The following HS3ST2 variants were observed in gnomAD, a reference collection of about 807,000 sequenced individuals.
HS3ST2 encodes heparan sulfate glucosamine 3-O-sulfotransferase 2.
HS3ST2 carries 17 observed loss-of-function variants against 26.3 expected under a neutral mutation model. That is an observed-to-expected ratio of 0.65 (90% CI 0.44 to 0.97). The LOEUF is 0.97. HS3ST2 is among the 50% of genes least tolerant of loss of function. The pLI is 0.00. For missense variants in HS3ST2, 402 were observed against 501.2 expected (o/e 0.80, Z 1.89); for synonymous variants, 237 against 219.2 (o/e 1.08, Z -0.72).
At chr16:22,874,761 G>T (rs1454747174) in intron 1 of HS3ST2, among the ~76,000 whole-genome samples, 1 of 152,146 alleles carries the variant, frequency 6.6e-6, no homozygotes, top group African/African-American at 2.4e-5. Flanking sequence ...CAAATCTCCT[G>T]GTTCTCCTCA....
intron 1 of HS3ST2, among the ~76,000 whole-genome samples, chr16:22,869,137 G>A (rs778875121): frequency 1.3e-5 from 2 of 151,902 alleles, no homozygotes; most frequent in Non-Finnish European, 2.9e-5. Context: ...AGTGAAAAGG[G>A]GCGCTCTGTA....
At chr16:22,834,056 A>G (rs1442023959) in intron 1 of HS3ST2, among the ~76,000 whole-genome samples, 1 of 152,206 alleles carries the variant, frequency 6.6e-6, no homozygotes, top group Non-Finnish European at 1.5e-5. Flanking sequence ...TTGAAAGCTT[A>G]CACAGGAAAC....
intron 1 of HS3ST2, among the ~76,000 whole-genome samples, chr16:22,913,362 A>G (rs998799413): frequency 6.6e-6 from 1 of 152,134 alleles, no homozygotes; most frequent in African/African-American, 2.4e-5. Context: ...GCTTCCTCCC[A>G]CATCCCTTAA....
chr16:22,841,123 G>A (rs1284667179), intron 1 of HS3ST2, among the ~76,000 whole-genome samples: 7 of 151,802 alleles, frequency 4.6e-5, no homozygotes, highest in African/African-American at 1.7e-4. Context: ...GTGCAATGGC[G>A]CGATCTCAGC....
rs577113812 is a variant in HS3ST2 at position 22,860,641 on chromosome 16, A to G, written c.485+45546A>G. ...TGCTGCAATCCTCAACACTTACACC[A>G]TTTTAGGCAATTGTTGGCTCCCAAT... On this transcript the variant is annotated intron_variant, in intron 1 of 1. Transcript: ENST00000261374. Among the ~76,000 whole-genome samples, 5 of 152,242 alleles carry G rather than the reference A, an allele frequency of 3.3e-5. No homozygotes were observed. The East Asian group carries it at 5.8e-4, about 18-fold the overall frequency.
intron 1 of HS3ST2, among the ~76,000 whole-genome samples, chr16:22,856,050 TA>T (rs1311125036): frequency 1.3e-5 from 2 of 152,178 alleles, no homozygotes. Flanking sequence ...GAAGGATGAA[TA>T]GTTGGTAGAT....
intron 1 of HS3ST2, among the ~76,000 whole-genome samples, chr16:22,826,600 G>T (rs1901089992): frequency 6.6e-6 from 1 of 152,204 alleles, no homozygotes; most frequent in Non-Finnish European, 1.5e-5. Context: ...TCATATTCAT[G>T]ACTGTATCCC....
intron 1 of HS3ST2, among the ~76,000 whole-genome samples, chr16:22,890,181 C>T (rs1173796422): frequency 1.3e-5 from 2 of 152,132 alleles, no homozygotes; most frequent in Non-Finnish European, 2.9e-5. Flanking sequence ...TAATTAGTTA[C>T]ATGTATATGA....
chr16:22,841,330 G>C lies in HS3ST2; in HGVS notation c.485+26235G>C, dbSNP rs146128919. Among the ~76,000 whole-genome samples the C allele has an allele frequency of 8.5e-4, 129 of 152,152 alleles. 1 individual carries two copies. The East Asian group carries it at 0.02, about 23-fold the overall frequency. On this transcript the variant is annotated intron_variant, in intron 1 of 1. Transcript: ENST00000261374. The stretch of plus-strand genomic sequence containing the variant: ...CCCGCCTTGGCCTCCCAAAGTGCTG[G>C]GATTACAGGCATGAGCCACAGCGCC...
In HS3ST2 at chr16:22,915,437, G is replaced by A; in HGVS notation, c.979G>A (p.Gly327Ser). ...TESSLLPRCL[G>S]KSKGRTHVQI... is the part of the protein sequence containing the mutation. ...ATCGAGCCTCCTGCCTCGATGCTTG[G>A]GCAAATCAAAAGGGAGAACTCATGT... is the stretch of plus-strand genomic sequence containing the variant. Residue 327 changes from glycine to serine, a missense_variant, in exon 2 of 2, where the codon GGC becomes AGC. This residue lies in a region of HS3ST2 where 237 missense variants were observed against 346.6 expected (regional missense o/e 0.68). Transcript: ENST00000261374. The A allele has an allele frequency of 6.2e-7, 1 of 1,613,672 alleles. No homozygotes were observed. Among genetic ancestry groups the A allele is most frequent in the South Asian group, 1.1e-5 (1 of 91,052 alleles).
chr16:22,867,949 TAAGTA>T (rs1379809050), intron 1 of HS3ST2, among the ~76,000 whole-genome samples: 4 of 152,190 alleles, frequency 2.6e-5, no homozygotes, highest in Non-Finnish European at 5.9e-5. Flanking sequence ...TTGAAAAGAT[TAAGTA>T]AATGGATGTA....
chr16:22,904,332 G>A (rs949873335), intron 1 of HS3ST2, among the ~76,000 whole-genome samples: 1 of 152,162 alleles, frequency 6.6e-6, no homozygotes, highest in Admixed American at 6.5e-5. Context: ...CTTGTCTCAT[G>A]AATAAATCCA....
intron 1 of HS3ST2, among the ~76,000 whole-genome samples, chr16:22,824,694 C>T (rs1239348213): frequency 6.6e-6 from 1 of 152,200 alleles, no homozygotes; most frequent in African/African-American, 2.4e-5. Context: ...GTGCTTTTAA[C>T]TGTGTAAAAG....
intron 1 of HS3ST2, among the ~76,000 whole-genome samples, chr16:22,821,772 A>G (rs1444827406): frequency 6.6e-6 from 1 of 152,156 alleles, no homozygotes; most frequent in Non-Finnish European, 1.5e-5. Context: ...GAGGTTCACA[A>G]GCAGCTTGAC....
In HS3ST2 at chr16:22,846,799, TA is replaced by T. The variant is rs35012150; in HGVS notation, c.485+31713del. On this transcript the variant is annotated intron_variant, in intron 1 of 1. Coordinates refer to ENST00000261374, the MANE Select transcript of HS3ST2 (RefSeq NM_006043.2). ...AAAGACAGTCTCATAAACCTTAATG[TA>T]AAAAAAAATATGCCAGGAAAGTAAC... Among the ~76,000 whole-genome samples the T allele has an allele frequency of 1.1e-4, 16 of 150,890 alleles. No individual in the cohort carries two copies. The East Asian group carries it at 2.7e-3, about 26-fold the overall frequency.
intron 1 of HS3ST2, among the ~76,000 whole-genome samples, chr16:22,867,510 A>C (rs899718159): frequency 6.6e-6 from 1 of 152,260 alleles, no homozygotes; most frequent in Non-Finnish European, 1.5e-5. Context: ...GATTTATGAC[A>C]TATAAACAAG....
intron 1 of HS3ST2, among the ~76,000 whole-genome samples, chr16:22,818,577 C>T (rs1900908996): frequency 1.3e-5 from 2 of 152,116 alleles, no homozygotes; most frequent in South Asian, 2.1e-4. Flanking sequence ...TAATCAATTG[C>T]TATAAAGATA....
intron 1 of HS3ST2, among the ~76,000 whole-genome samples, chr16:22,823,511 G>A (rs1416889824): frequency 6.6e-6 from 1 of 152,048 alleles, no homozygotes; most frequent in South Asian, 2.1e-4. Context: ...ATCCAATGAT[G>A]GGCTGGGTGC....
At chr16:22,889,086 G>A (rs1902100071) in intron 1 of HS3ST2, among the ~76,000 whole-genome samples, 1 of 152,168 alleles carries the variant, frequency 6.6e-6, no homozygotes, top group African/African-American at 2.4e-5. Flanking sequence ...CGTGACAGTC[G>A]AGGTCGGCCC....
Sources: allele counts gnomAD v4.1 joint callset (sites outside exome capture counted in the v4.1 genomes callset), GRCh38; gene constraint gnomAD v4.1.1; regional missense constraint gnomAD v4.1.1; transcripts MANE v1.5; gene names NCBI Gene and HGNC (gene_info 2026-07-23, HGNC 2026-07-21).